The following ZBTB38 variants were observed in gnomAD, a reference collection of about 807,000 sequenced individuals.
ZBTB38 encodes the protein zinc finger and BTB domain containing 38, also known as zinc finger and BTB domain-containing protein 38.
Under a neutral mutation model 76.8 loss-of-function variants are expected in ZBTB38, and 20 were observed. The observed-to-expected ratio is 0.26, with a 90% CI of 0.18 to 0.38. The LOEUF is 0.38. Among genes scored for constraint, ZBTB38 ranks in the 10% least tolerant of loss-of-function variants. ZBTB38 has a pLI of 1.00. For missense variants in ZBTB38, 1,082 were observed against 1,482.3 expected, an observed-to-expected ratio of 0.73 and a Z score of 4.43; for synonymous variants, 504 against 544.2, an observed-to-expected ratio of 0.93 and a Z score of 1.03.
chr3:141,336,875 A>T (rs1254459504), intron 1 of ZBTB38, among the ~76,000 whole-genome samples: 1 of 152,180 alleles, frequency 6.6e-6, no homozygotes, highest in African/African-American at 2.4e-5. Context: ...ACACCTTCTG[A>T]TGGGTGAGAC....
chr3:141,324,427 G>A (rs1438103598), exon 1 of ZBTB38: 2 of 152,178 alleles, frequency 1.3e-5, no homozygotes, highest in African/African-American at 2.4e-5. Flanking sequence ...GCCAGAGCCC[G>A]AAAAGAAGAT....
At chr3:141,369,491 C>T (rs1444693743) in intron 1 of ZBTB38, among the ~76,000 whole-genome samples, 1 of 152,194 alleles carries the variant, frequency 6.6e-6, no homozygotes, top group Non-Finnish European at 1.5e-5. Context: ...CCTATAATTT[C>T]ACGACCTCTG....
At chr3:141,424,073 C>A (rs1006568176) in intron 5 of ZBTB38, among the ~76,000 whole-genome samples, 1 of 152,112 alleles carries the variant, frequency 6.6e-6, no homozygotes, top group African/African-American at 2.4e-5. Context: ...CAATTTATAC[C>A]CAAATTTGAG....
At chr3:141,441,966 A>T (rs2150955434) in intron 5 of ZBTB38, among the ~76,000 whole-genome samples, 1 of 151,914 alleles carries the variant, frequency 6.6e-6, no homozygotes, top group East Asian at 1.9e-4. Flanking sequence ...GGATCATCAG[A>T]TTTCTCTTTG....
chr3:141,394,931 C>T (rs1310213911), intron 4 of ZBTB38, among the ~76,000 whole-genome samples: 1 of 152,158 alleles, frequency 6.6e-6, no homozygotes, highest in East Asian at 1.9e-4. Flanking sequence ...GGAATGAAAC[C>T]AGGCATGACT....
intron 1 of ZBTB38, among the ~76,000 whole-genome samples, chr3:141,332,431 A>G (rs929830909): frequency 6.6e-6 from 1 of 151,996 alleles, no homozygotes; most frequent in African/African-American, 2.4e-5. Flanking sequence ...CCCTTCCCCA[A>G]CTACTCTAGC....
chr3:141,405,829 T>G (rs1276835594), intron 5 of ZBTB38: 1 of 152,152 alleles, frequency 6.6e-6, no homozygotes, highest in Non-Finnish European at 1.5e-5. Flanking sequence ...TCAGACTCTG[T>G]TGAGGAAAGA....
chr3:141,421,708 C>G (rs931301362), intron 5 of ZBTB38, among the ~76,000 whole-genome samples: 1 of 152,172 alleles, frequency 6.6e-6, no homozygotes, highest in Non-Finnish European at 1.5e-5. Context: ...ACCCCACTCC[C>G]CATCTGAAGA....
intron 2 of ZBTB38, among the ~76,000 whole-genome samples, chr3:141,379,438 C>T (rs1044768499): frequency 2.0e-5 from 3 of 152,210 alleles, no homozygotes; most frequent in Admixed American, 2.0e-4. Flanking sequence ...TCACAATCCA[C>T]TGCTACCCCA....
Position 141,410,638 on chromosome 3 carries a change from C to T in ZBTB38, c.-1+6607C>T, listed in dbSNP as rs373361736. ...CCAGCAGACACACGCAGTAGGACAC[C>T]GTGATGCAAAGCTTCCGGTCCAGTT... On this transcript the variant is annotated intron_variant, in intron 5 of 5. Coordinates refer to ENST00000321464, the MANE Select transcript of ZBTB38 (RefSeq NM_001376113.1). Among the ~76,000 whole-genome samples the T allele has an allele frequency of 7.9e-5, 12 of 152,154 alleles. No homozygotes were observed. The East Asian group carries it at 1.2e-3, about 15-fold the overall frequency.
Position 141,443,010 on chromosome 3 carries a change from G to A in ZBTB38, c.622G>A (p.Val208Ile), listed in dbSNP as rs372812123. ...TASLCLERTD[V>I]CHEAEPVRTL... is the part of the protein sequence containing the mutation. ...TAGCCTTTGCCTGGAGAGGACGGAC[G>A]TCTGCCACGAGGCAGAGCCTGTCCG... The change falls in exon 6 of 6, where the codon GTC becomes ATC. Residue 208 changes from valine to isoleucine, a missense_variant. Physicochemically the swap from Val to Ile is conservative, Grantham distance 29 (BLOSUM62 3). Around this residue, in one of 8 missense-constraint regions of ZBTB38, gnomAD observed 324 missense variants for 359.1 expected, o/e 0.90. Transcript: ENST00000321464. This position sits in a 1 kb window ranked among gnomAD's most constrained non-coding sequence, Gnocchi z 5.6. 28 of 1,614,108 alleles carry A rather than the reference G, an allele frequency of 1.7e-5. No individual in the cohort carries two copies. In the East Asian group the frequency reaches 3.3e-4, roughly 19 times the overall value.
chr3:141,438,966 ATTTTTT>A (rs56348132), intron 5 of ZBTB38, among the ~76,000 whole-genome samples: 2 of 140,074 alleles, frequency 1.4e-5, no homozygotes, highest in Non-Finnish European at 3.1e-5. Flanking sequence ...ATCATTTTTA[ATTTTTT>A]TTTTTTTTTT....
chr3:141,336,726 C>G (rs778918378), intron 1 of ZBTB38, among the ~76,000 whole-genome samples: 6 of 152,176 alleles, frequency 3.9e-5, no homozygotes, highest in Non-Finnish European at 8.8e-5. Flanking sequence ...CGGTCGGCCT[C>G]TGGGCAGAGA....
chr3:141,437,735 A>G (rs142067561), intron 5 of ZBTB38, among the ~76,000 whole-genome samples: 2 of 152,282 alleles, frequency 1.3e-5, no homozygotes, highest in African/African-American at 4.8e-5. Context: ...CAGAATCTCT[A>G]TAGGAGCAGG....
chr3:141,373,920 A>G (rs1944985120), intron 2 of ZBTB38, among the ~76,000 whole-genome samples: 1 of 152,170 alleles, frequency 6.6e-6, no homozygotes. Flanking sequence ...GCTTGAGGCC[A>G]GGAGTTCAAG....
chr3:141,350,564 G>C (rs185791995), intron 1 of ZBTB38, among the ~76,000 whole-genome samples: 2 of 152,194 alleles, frequency 1.3e-5, no homozygotes, highest in East Asian at 3.9e-4. Context: ...AAATTGCTTG[G>C]AGTCTACATT....
chr3:141,413,048 T>A lies in ZBTB38; in HGVS notation c.-1+9017T>A, dbSNP rs556046299. On this transcript the variant is annotated intron_variant, in intron 5 of 5. Coordinates refer to ENST00000321464, the MANE Select transcript of ZBTB38 (RefSeq NM_001376113.1). This position sits in a 1 kb window ranked among gnomAD's most constrained non-coding sequence, Gnocchi z 4.1. ...GGCCTCCCTCCAGAGGTCGTAGTGT[T>A]GCCAGCAGTGGCTTCAAACTGGAAA... 1.3e-5 allele frequency among the ~76,000 whole-genome samples: 2 copies of A among 152,346 alleles called. No homozygotes were observed. The highest frequency in any genetic ancestry group is 4.8e-5 in the African/African-American group (2 of 41,578).
chr3:141,433,557 A>G lies in ZBTB38; in HGVS notation c.1-8832A>G, dbSNP rs184525128. 6.6e-5 allele frequency among the ~76,000 whole-genome samples: 10 copies of G among 152,324 alleles called. No homozygotes were observed. In the East Asian group the frequency reaches 1.7e-3, roughly 26 times the overall value. Reference sequence around the variant, plus strand: ...TTTTAATTGCACCTACCTAATATTTATTAACTGATGGAAAATGACTGTGAT... The same window carrying G: ...TTTTAATTGCACCTACCTAATATTTGTTAACTGATGGAAAATGACTGTGAT... On this transcript the variant is annotated intron_variant, in intron 5 of 5. Coordinates refer to ENST00000321464, the MANE Select transcript of ZBTB38 (RefSeq NM_001376113.1).
At chr3:141,385,782 C>A (rs1946936711) in intron 3 of ZBTB38, 1 of 151,916 alleles carries the variant, frequency 6.6e-6, no homozygotes, top group African/African-American at 2.4e-5. Flanking sequence ...GAACTATCTG[C>A]AGAAGGTGAT....
Sources: gnomAD v4.1 joint callset for allele counts (sites outside exome capture counted in the v4.1 genomes callset) on GRCh38, gnomAD v4.1.1 for gene constraint, gnomAD v4.1.1 regional missense constraint, Gnocchi (gnomAD v3.1) non-coding constraint, MANE v1.5 for transcripts, NCBI Gene and HGNC (gene_info 2026-07-23, HGNC 2026-07-21) for gene names.